ERCC1: variants seen among roughly 807,000 people sequenced by gnomAD.
ERCC1 encodes the protein ERCC excision repair 1, endonuclease non-catalytic subunit.
In ERCC1, 36 loss-of-function variants were observed where a neutral mutation model predicts 37.6. That is an observed-to-expected ratio of 0.96 (90% CI 0.73 to 1.26). The LOEUF is 1.26. Among genes scored for constraint, ERCC1 ranks in the 50% most tolerant of loss-of-function variants. The probability of loss-of-function intolerance (pLI) is 0.00; values close to 1 mark genes in which losing one functional copy is unlikely to be tolerated. For synonymous variants in ERCC1, 156 were observed against 162.1 expected, an observed-to-expected ratio of 0.96 and a Z score of 0.28; for missense variants, 349 against 376.5, an observed-to-expected ratio of 0.93 and a Z score of 0.60.
intron 3 of ERCC1, 108 bp downstream of exon 3, chr19:45,421,070 G>GA (rs1344948400): frequency 8.0e-6 from 7 of 880,230 alleles, no homozygotes; most frequent in East Asian, 2.5e-5. Context: ...TGAATGAATG[G>GA]GGAGAACAAA....
In ERCC1 at chr19:45,414,893, T is replaced by C; in HGVS notation, c.670A>G (p.Met224Val). The stretch of plus-strand genomic sequence containing the variant: ...ACGAAGTCCTGCTCTAGCTTCTCCA[T>C]CAGGAGGTCCGCTGGTTTCTGCTCA... ...AYEQKPADLL[M>V]EKLEQDFVSR... Residue 224 changes from methionine (M) to valine (V), a missense_variant, in exon 7 of 10, where the codon ATG becomes GTG. Coordinates refer to ENST00000300853, the MANE Select transcript of ERCC1 (RefSeq NM_001983.4). The C allele has an allele frequency of 6.2e-7, 1 of 1,613,726 alleles. No individual in the cohort carries two copies. The highest frequency in any genetic ancestry group is 1.1e-5 in the South Asian group (1 of 91,070).
chr19:45,434,927 C>G (rs1443335346), intron 1 of ERCC1, among the ~76,000 whole-genome samples: 1 of 151,968 alleles, frequency 6.6e-6, no homozygotes, highest in East Asian at 1.9e-4. Context: ...AGGCATGCAC[C>G]ACCACGCCCG....
chr19:45,423,350 C>A lies in ERCC1; in HGVS notation c.25G>T (p.Gly9Trp). 1 of 1,613,436 alleles carries A rather than the reference C, an allele frequency of 6.2e-7. No individual in the cohort carries two copies. Among genetic ancestry groups the A allele is most frequent in the Non-Finnish European group, 8.5e-7 (1 of 1,179,816 alleles). Residue 9 changes from glycine (G) to tryptophan (W), a missense_variant, in exon 2 of 10, where the codon GGG becomes TGG. By Grantham distance (184) the Gly-to-Trp change is radical (BLOSUM62 -2). Coordinates refer to ENST00000300853, the MANE Select transcript of ERCC1 (RefSeq NM_001983.4). MDPGKDKE[G>W]VPQPSGPPAR... ...GGCGGCCCTGAGGGCTGGGGCACCC[C>A]CTCTTTGTCCTTCCCAGGGTCCATC... is the stretch of plus-strand genomic sequence containing the variant.
chr19:45,408,471 A>C lies in ERCC1; in HGVS notation c.*1204T>G. On this transcript the variant is annotated 3_prime_UTR_variant, in exon 10 of 10. Coordinates refer to ENST00000300853, the MANE Select transcript of ERCC1 (RefSeq NM_001983.4). ...GGGCCTAGGTCAGCCTTGGCCCCCA[A>C]CCTGCTCACCTCAGGGAAGAAGAAA... The C allele has an allele frequency of 1.9e-6, 3 of 1,613,868 alleles. No individual in the cohort carries two copies. Among genetic ancestry groups the C allele is most frequent in the Non-Finnish European group, 2.5e-6 (3 of 1,179,940 alleles).
chr19:45,421,127 G>C, intron 3 of ERCC1, 51 bp downstream of exon 3: 1 of 1,504,914 alleles, frequency 6.6e-7, no homozygotes, highest in Non-Finnish European at 9.2e-7. Context: ...CCCTAGAACA[G>C]CGTTTCCCAC....
At chr19:45,423,576 C>A in intron 1 of ERCC1, 195 bp from the exon 2 acceptor site, 1 of 1,424,262 alleles carries the variant, frequency 7.0e-7, no homozygotes, top group Non-Finnish European at 9.2e-7. Context: ...CCGCCCCTTA[C>A]AGGTCCACAA....
Position 45,448,585 on chromosome 19 carries a change from C to A in ERCC1, c.-7-25204G>T, listed in dbSNP as rs1009644541. ...GAGAGAGGCTGGGCACAGTTGCTCA[C>A]GCCAGTAATCCCAGCACTTTGAGAG... On this transcript the variant is annotated intron_variant, in intron 1 of 8. Transcript: ENST00000423698. Among the ~76,000 whole-genome samples, 6 of 152,152 alleles carry A rather than the reference C, an allele frequency of 3.9e-5. No individual in the cohort carries two copies. In the South Asian group the frequency reaches 8.3e-4, roughly 21 times the overall value.
At chr19:45,436,246 A>T (rs1387500325) in intron 1 of ERCC1, among the ~76,000 whole-genome samples, 1 of 152,154 alleles carries the variant, frequency 6.6e-6, no homozygotes, top group East Asian at 1.9e-4. Context: ...CTCTGCCGTT[A>T]GCGTGGAGGG....
chr19:45,415,801 CCCT>C lies in ERCC1; in HGVS notation c.603-844_603-842del. On this transcript the variant is annotated intron_variant, in intron 6 of 9. Transcript: ENST00000300853. ...CCCAACCCCACTTCTCCCTGGGTAA[CCCT>C]GGGCCAGTGGTTTGCTCTCTGGGCC... 5 of 455,962 alleles carry C rather than the reference CCCT, an allele frequency of 1.1e-5. 1 individual carries two copies. The highest frequency in any genetic ancestry group is 7.7e-5 in the South Asian group (5 of 64,552). The allele number at this position is 455,962 out of a possible 1,614,324, so 28.2% of individuals were successfully genotyped here. A position where few individuals can be genotyped will look rare whatever the true frequency, so the allele number is the denominator to read the frequency against.
upstream of ERCC1, among the ~76,000 whole-genome samples, chr19:45,426,241 T>G (rs1232658839): frequency 6.6e-6 from 1 of 151,806 alleles, no homozygotes; most frequent in Non-Finnish European, 1.5e-5. Flanking sequence ...TAGTTGGGCG[T>G]GGTAGCGCAC....
intron 2 of ERCC1, 147 bp from the exon 3 acceptor site, chr19:45,421,540 G>T: frequency 1.7e-6 from 1 of 595,122 alleles, no homozygotes; most frequent in Non-Finnish European, 2.9e-6. Context: ...CACTATCTTG[G>T]CTCATTGCAA....
intron 1 of ERCC1, among the ~76,000 whole-genome samples, chr19:45,436,108 T>C (rs73564945): frequency 0.079 from 11,993 of 152,034 alleles, 1,538 homozygotes; most frequent in African/African-American, 0.27. Context: ...ATTGCCACAG[T>C]GACCCACGGA....
rs934545605 is a variant in ERCC1, at chr19:45,446,055, A to AT, written c.-7-22675dup. Among the ~76,000 whole-genome samples, 418 of 147,680 alleles carry AT rather than the reference A, an allele frequency of 2.8e-3. 1 individual carries two copies. Among genetic ancestry groups the AT allele is most frequent in the East Asian group, 0.017 (85 of 5,054 alleles). On this transcript the variant is annotated intron_variant, in intron 1 of 8. Coordinates refer to the ERCC1 transcript ENST00000423698. The stretch of plus-strand genomic sequence containing the variant: ...AGGCTCGTGCCACCACGCCTGGCTA[A>AT]TTTTTTTTTTGCATTTTTATAGAGA...
upstream of ERCC1, among the ~76,000 whole-genome samples, chr19:45,424,602 A>T (rs3212927): frequency 0.11 from 16,102 of 152,228 alleles, 2,840 homozygotes; most frequent in African/African-American, 0.37. Flanking sequence ...TTTTTGTGAA[A>T]GTATTGGTCT....
At chr19:45,425,410 T>C (rs1974662534), upstream of ERCC1, among the ~76,000 whole-genome samples, 1 of 151,842 alleles carries the variant, frequency 6.6e-6, no homozygotes, top group Admixed American at 6.6e-5. Context: ...TTTTTTGAGA[T>C]GGAGTTTTGC....
rs558309295 is a variant in ERCC1 at position 45,407,803 on chromosome 19, T to A, written c.*1872A>T. 9 of 268,162 alleles carry A rather than the reference T, an allele frequency of 3.4e-5. No individual in the cohort carries two copies. The East Asian group carries it at 4.6e-4, about 14-fold the overall frequency. The allele number at this position is 268,162 out of a possible 1,614,324, so 16.6% of individuals were successfully genotyped here. A position where few individuals can be genotyped will look rare whatever the true frequency, so the allele number is the denominator to read the frequency against. ...CAGGCGCAGTGGCTGGTGCCTGTAA[T>A]CCCATCCTTTGGGAGGCCGAGGCGA... is the stretch of plus-strand genomic sequence containing the variant. On this transcript the variant is annotated 3_prime_UTR_variant, in exon 10 of 10. Coordinates refer to ENST00000300853, the MANE Select transcript of ERCC1 (RefSeq NM_001983.4).
intron 1 of ERCC1, among the ~76,000 whole-genome samples, chr19:45,448,258 C>T (rs1398959407): frequency 6.6e-6 from 1 of 152,164 alleles, no homozygotes; most frequent in East Asian, 1.9e-4. Flanking sequence ...ACTGGGACCC[C>T]TGCCTGCTTG....
At position 45,408,388 on chromosome 19, in the gene ERCC1, G is replaced by C; in HGVS notation, c.*1287C>G. On this transcript the variant is annotated 3_prime_UTR_variant, in exon 10 of 10. Transcript: ENST00000300853. ...CCATCCCAGCAAGTCCCCCACCACA[G>C]ATCCCTCCTGGCCTGAGGCCTCGGT... 6.2e-7 allele frequency: 1 copy of C among 1,611,404 alleles called. No homozygotes were observed. Among genetic ancestry groups the C allele is most frequent in the Non-Finnish European group, 8.5e-7 (1 of 1,178,224 alleles).
chr19:45,444,052 A>C (rs1462385325), intron 1 of ERCC1, among the ~76,000 whole-genome samples: 2 of 72,082 alleles, frequency 2.8e-5, no homozygotes, highest in African/African-American at 1.1e-4. Context: ...TACCCCCACT[A>C]TCCTGCCCAG....
Sources: allele counts gnomAD v4.1 joint callset (sites outside exome capture counted in the v4.1 genomes callset), GRCh38; gene constraint gnomAD v4.1.1; transcripts MANE v1.5; gene names NCBI Gene and HGNC (gene_info 2026-07-23, HGNC 2026-07-21).